The following CHST12 variants were observed in gnomAD, a reference collection of about 807,000 sequenced individuals.
CHST12 encodes the protein carbohydrate sulfotransferase 12, also known as carbohydrate (chondroitin 4) sulfotransferase 12.
Under a neutral mutation model 27.9 loss-of-function variants are expected in CHST12, and 23 were observed. That is an observed-to-expected ratio of 0.82 (90% CI 0.59 to 1.17). CHST12 has a LOEUF of 1.17. Ranked by LOEUF, CHST12 falls within the 50% of genes most tolerant of loss-of-function variation. The pLI, the probability that CHST12 is intolerant of heterozygous loss-of-function variation, is 0.00. For missense variants in CHST12, 682 were observed against 603.0 expected (o/e 1.13, Z -1.37); for synonymous variants, 322 against 273.0 (o/e 1.18, Z -1.77).
In CHST12 at chr7:2,421,600, C is replaced by T. The variant is rs111520797; in HGVS notation, c.-77-10963C>T. The stretch of plus-strand genomic sequence containing the variant: ...TACAAGTGTACACCACCATGCCAGG[C>T]TAATTTTTTTATTTTTAGTAGAGAC... On this transcript the variant is annotated intron_variant, in intron 1 of 1. Coordinates refer to ENST00000618655, the MANE Select transcript of CHST12 (RefSeq NM_018641.5). Among the ~76,000 whole-genome samples the T allele has an allele frequency of 3.8e-3, 573 of 152,206 alleles. 3 individuals are homozygous for T. Among genetic ancestry groups the T allele is most frequent in the African/African-American group, 0.013 (538 of 41,536 alleles).
At chr7:2,424,551 C>T (rs1782057075) in intron 1 of CHST12, among the ~76,000 whole-genome samples, 1 of 152,060 alleles carries the variant, frequency 6.6e-6, no homozygotes, top group Non-Finnish European at 1.5e-5. Flanking sequence ...TCTCCCAGTG[C>T]GAGACTCTCC....
rs191362523 is a variant in CHST12, at chr7:2,407,389, A to G, written c.-78+3716A>G. Among the ~76,000 whole-genome samples, 11 of 152,248 alleles carry G rather than the reference A, an allele frequency of 7.2e-5. No individual in the cohort carries two copies. In the East Asian group the frequency reaches 1.9e-3, roughly 27 times the overall value. On this transcript the variant is annotated intron_variant, in intron 1 of 1. Transcript: ENST00000618655. ...CTTGAGCCCAGGAGTTTGAGGCTGCAGTGAGCTGTGATCATGCCACTGCCA... is the reference window on the plus strand; with the variant it reads ...CTTGAGCCCAGGAGTTTGAGGCTGCGGTGAGCTGTGATCATGCCACTGCCA...
At chr7:2,432,141 CAAAAAAAAAAAAAAAAAAAAAAA>C (rs34061454) in intron 1 of CHST12, among the ~76,000 whole-genome samples, 4 of 17,114 alleles carry the variant, frequency 2.3e-4, no homozygotes, top group Admixed American at 1.2e-3. Flanking sequence ...GACTCCATAT[CAAAAAAAAAAAAAAAAAAAAAAA>C]AAAAAAAAAA....
chr7:2,422,546 C>CT (rs922944017), intron 1 of CHST12, among the ~76,000 whole-genome samples: 45 of 143,914 alleles, frequency 3.1e-4, no homozygotes, highest in Admixed American at 5.5e-4. Flanking sequence ...CGCCCTGCCT[C>CT]TTTTTTTTTA....
intron 1 of CHST12, among the ~76,000 whole-genome samples, chr7:2,406,104 C>T (rs2115377190): frequency 6.6e-6 from 1 of 152,076 alleles, no homozygotes; most frequent in South Asian, 2.1e-4. Flanking sequence ...GCTTGTTTGT[C>T]ATTTAAAAAA....
chr7:2,420,499 C>T (rs544804429), intron 1 of CHST12, among the ~76,000 whole-genome samples: 1 of 152,110 alleles, frequency 6.6e-6, no homozygotes, highest in Non-Finnish European at 1.5e-5. Flanking sequence ...CATGGGTGTG[C>T]AAGCATCTCT....
intron 1 of CHST12, among the ~76,000 whole-genome samples, chr7:2,432,280 A>G (rs1257162612): frequency 1.3e-5 from 2 of 150,454 alleles, no homozygotes; most frequent in Non-Finnish European, 3.0e-5. Context: ...GTTGTGGGCA[A>G]TATTACTTTC....
chr7:2,416,875 A>G (rs899479046), intron 1 of CHST12, among the ~76,000 whole-genome samples: 18 of 152,260 alleles, frequency 1.2e-4, no homozygotes, highest in Non-Finnish European at 2.4e-4. Context: ...GCAGAGTCAC[A>G]TACGCCTTCT....
chr7:2,415,618 CTTTTTTT>C (rs540084839), intron 1 of CHST12, among the ~76,000 whole-genome samples: 1 of 140,772 alleles, frequency 7.1e-6, no homozygotes, highest in Non-Finnish European at 1.6e-5. Flanking sequence ...TTTCTTTTTT[CTTTTTTT>C]TTTTTTTGAG....
In CHST12 at chr7:2,441,895, A is replaced by G. The variant is rs974247350; in HGVS notation, c.*8011A>G. The G allele has an allele frequency of 3.9e-5, 6 of 152,094 alleles. No individual in the cohort carries two copies. The highest frequency in any genetic ancestry group is 1.4e-4 in the African/African-American group (6 of 41,414). The allele number at this position is 152,094 out of a possible 1,614,324, so 9.4% of individuals were successfully genotyped here. A position where few individuals can be genotyped will look rare whatever the true frequency, so the allele number is the denominator to read the frequency against. On this transcript the variant is annotated 3_prime_UTR_variant, in exon 2 of 2. Transcript: ENST00000618655. Reference sequence around the variant, plus strand: ...GTTGTGGTAAGATACATGCAACATAAAATGTGCCCTCTTCCCCATTTTTAA... The same window carrying G: ...GTTGTGGTAAGATACATGCAACATAGAATGTGCCCTCTTCCCCATTTTTAA...
At chr7:2,418,763 C>G (rs1414427116) in intron 1 of CHST12, among the ~76,000 whole-genome samples, 1 of 151,514 alleles carries the variant, frequency 6.6e-6, no homozygotes, top group Non-Finnish European at 1.5e-5. Flanking sequence ...GCCAGACATT[C>G]TTGTATGTCC....
At position 2,444,032 on chromosome 7, in the gene CHST12, C is replaced by A. The variant is rs1782684283; in HGVS notation, c.*10148C>A. ...GGGCGCGGTGGCTCACGCCTGTAAT[C>A]CCAGCACTTTGGGAGGCCGAGGCGG... On this transcript the variant is annotated 3_prime_UTR_variant, in exon 2 of 2. Coordinates refer to ENST00000618655, the MANE Select transcript of CHST12 (RefSeq NM_018641.5). The A allele has an allele frequency of 6.6e-6, 1 of 151,958 alleles. No individual in the cohort carries two copies. Among genetic ancestry groups the A allele is most frequent in the South Asian group, 2.1e-4 (1 of 4,808 alleles). The allele number at this position is 151,958 out of a possible 1,614,324, so 9.4% of individuals were successfully genotyped here.
At chr7:2,404,210 G>T (rs1240260431) in intron 1 of CHST12, 1 of 152,426 alleles carries the variant, frequency 6.6e-6, no homozygotes. Context: ...CCGGCAGGTC[G>T]CTCAGGGTAT....
At position 2,432,747 on chromosome 7, in the gene CHST12, G is replaced by C; in HGVS notation, c.108G>C (p.Leu36Phe). ...WDSAGAAHFY[L>F]HTSFSRPHTG... ...GCGCAGGCGCCGCGCACTTCTACTT[G>C]CACACGTCCTTCTCTAGGCCGCACA... is the stretch of plus-strand genomic sequence containing the variant. The change falls in exon 2 of 2, where the codon TTG becomes TTC. Residue 36 changes from leucine (L) to phenylalanine (F), a missense_variant. Leu to Phe is a conservative substitution (Grantham distance 22, BLOSUM62 0). Coordinates refer to ENST00000618655, the MANE Select transcript of CHST12 (RefSeq NM_018641.5). 6.2e-7 allele frequency: 1 copy of C among 1,613,880 alleles called. No homozygotes were observed. The highest frequency in any genetic ancestry group is 8.5e-7 in the Non-Finnish European group (1 of 1,179,858).
chr7:2,430,932 G>A (rs1782255841), intron 1 of CHST12, among the ~76,000 whole-genome samples: 1 of 152,226 alleles, frequency 6.6e-6, no homozygotes, highest in South Asian at 2.1e-4. Context: ...GTCTACCATG[G>A]TGAATGTTTT....
intron 1 of CHST12, among the ~76,000 whole-genome samples, chr7:2,430,198 C>T (rs570657970): frequency 1.4e-4 from 22 of 152,100 alleles, no homozygotes; most frequent in African/African-American, 5.1e-4. Context: ...AGAAATGTGT[C>T]ATTTATTTTC....
rs1468971076 is a variant in CHST12, at chr7:2,438,117, C to G, written c.*4233C>G. The G allele has an allele frequency of 2.0e-5, 3 of 152,244 alleles. No individual in the cohort carries two copies. The highest frequency in any genetic ancestry group is 7.2e-5 in the African/African-American group (3 of 41,440). The allele number at this position is 152,244 out of a possible 1,614,324, so 9.4% of individuals were successfully genotyped here. A position where few individuals can be genotyped will look rare whatever the true frequency, so the allele number is the denominator to read the frequency against. The stretch of plus-strand genomic sequence containing the variant: ...ACGTGGTCTGCTTCCTGGTGCAGAC[C>G]AGGTCTCCCCAGAGGGACCCTCCTG... On this transcript the variant is annotated 3_prime_UTR_variant, in exon 2 of 2. Coordinates refer to ENST00000618655, the MANE Select transcript of CHST12 (RefSeq NM_018641.5).
chr7:2,433,766 G>A lies in CHST12; in HGVS notation c.1127G>A (p.Trp376Ter). The A allele has an allele frequency of 6.2e-7, 1 of 1,614,078 alleles. No homozygotes were observed. The highest frequency in any genetic ancestry group is 1.1e-5 in the South Asian group (1 of 91,082). Reference sequence around the variant, plus strand: ...TACCGGAACAGGACCGCCAGCAGCTGGGAGGAGGACTGGTTCGCCAAGATC... The same window carrying A: ...TACCGGAACAGGACCGCCAGCAGCTAGGAGGAGGACTGGTTCGCCAAGATC... ...PSYRNRTASS[W>*]EEDWFAKIPL... is the part of the protein sequence containing the mutation. Residue 376 changes from tryptophan to a stop codon, truncating the protein, a stop_gained, in exon 2 of 2, where the codon TGG (tryptophan) becomes TAG (stop). Coordinates refer to ENST00000618655, the MANE Select transcript of CHST12 (RefSeq NM_018641.5). LOFTEE classifies it high-confidence loss of function. This position sits in a 1 kb window ranked among gnomAD's most constrained non-coding sequence, Gnocchi z 6.1.
At chr7:2,408,064 G>C (rs1424120177) in intron 1 of CHST12, among the ~76,000 whole-genome samples, 1 of 152,186 alleles carries the variant, frequency 6.6e-6, no homozygotes, top group African/African-American at 2.4e-5. Context: ...GTTGACCCCA[G>C]AATTTGGATA....
Sources: gnomAD v4.1 joint callset for allele counts (sites outside exome capture counted in the v4.1 genomes callset) on GRCh38, gnomAD v4.1.1 for gene constraint, Gnocchi (gnomAD v3.1) non-coding constraint, MANE v1.5 for transcripts, NCBI Gene and HGNC (gene_info 2026-07-23, HGNC 2026-07-21) for gene names.